The following TCERG1 variants were observed in gnomAD, a reference collection of about 807,000 sequenced individuals.
TCERG1 encodes the protein TATA box binding protein (TBP)-associated factor, RNA polymerase II, S, 150kD.
TCERG1 carries 37 observed loss-of-function variants against 144.7 expected under a neutral mutation model. The ratio of observed to expected loss-of-function variants is 0.26; its 90% confidence interval spans 0.20 to 0.34. The LOEUF is 0.34. Ranked by LOEUF, TCERG1 falls within the 10% of genes least tolerant of loss-of-function variation. The probability of loss-of-function intolerance (pLI) is 1.00; values close to 1 mark genes in which losing one functional copy is unlikely to be tolerated. For missense variants in TCERG1, 1,027 were observed against 1,380.7 expected (o/e 0.74, Z 4.06); for synonymous variants, 492 against 458.2 (o/e 1.07, Z -0.94).
intron 9 of TCERG1, among the ~76,000 whole-genome samples, chr5:146,474,097 A>G (rs1007109369): frequency 2.0e-5 from 3 of 152,192 alleles, no homozygotes; most frequent in Admixed American, 1.3e-4. Flanking sequence ...GGATCTGGGC[A>G]AAGTCAATAG....
At chr5:146,457,400 G>T in intron 3 of TCERG1, 65 bp downstream of exon 3, 1 of 1,440,668 alleles carries the variant, frequency 6.9e-7, no homozygotes, top group Non-Finnish European at 9.3e-7. Context: ...AAGAGTTCTG[G>T]CAGATTGAGG....
rs1763128579 is a variant in TCERG1, at chr5:146,459,192, A to C, written c.747A>C (p.Ala249=). Residue 249 remains alanine (A), a synonymous_variant, in exon 4 of 23, where the codon GCA becomes GCC. Coordinates refer to ENST00000679501, the MANE Select transcript of TCERG1 (RefSeq NM_001382548.1). ...AQAQVQAQVQ[A]QVQAQAVGAS... is the part of the protein sequence containing the mutation. ...CTCAGGTCCAGGCCCAGGTCCAGGC[A>C]CAAGTGCAAGCACAAGCAGTTGGAG... The C allele has an allele frequency of 1.9e-6, 3 of 1,614,160 alleles. No individual in the cohort carries two copies. The highest frequency in any genetic ancestry group is 4.5e-5 in the East Asian group (2 of 44,882).
chr5:146,462,294 C>T (rs556447861), intron 4 of TCERG1, among the ~76,000 whole-genome samples: 19 of 152,254 alleles, frequency 1.2e-4, no homozygotes, highest in Admixed American at 9.8e-4. Flanking sequence ...CATTTTATTT[C>T]ATTTGACAAA....
intron 17 of TCERG1, among the ~76,000 whole-genome samples, chr5:146,501,016 A>G (rs1053919128): frequency 2.6e-5 from 4 of 151,946 alleles, no homozygotes; most frequent in Admixed American, 6.6e-5. Context: ...AAAAAAAAAA[A>G]AAAGAAAAAA....
At chr5:146,472,728 T>TGTGTGTGTG (rs1561660643) in intron 9 of TCERG1, among the ~76,000 whole-genome samples, 2 of 150,672 alleles carry the variant, frequency 1.3e-5, no homozygotes, top group African/African-American at 2.4e-5. Context: ...TGTGTGTGTG[T>TGTGTGTGTG]TTTGAGACGG....
At chr5:146,455,887 T>C (rs949225754) in intron 2 of TCERG1, among the ~76,000 whole-genome samples, 2 of 152,230 alleles carry the variant, frequency 1.3e-5, no homozygotes, top group African/African-American at 4.8e-5. Context: ...TTCTCCAGTG[T>C]ATCCAGACTT....
chr5:146,484,176 C>T (rs747329329), intron 15 of TCERG1, among the ~76,000 whole-genome samples: 5 of 152,128 alleles, frequency 3.3e-5, no homozygotes, highest in Non-Finnish European at 7.4e-5. Context: ...ACAAAGTTCA[C>T]ATCTAAGTAG....
intron 14 of TCERG1, 127 bp downstream of exon 14, chr5:146,482,854 A>T: frequency 7.8e-7 from 1 of 1,287,662 alleles, no homozygotes; most frequent in Non-Finnish European, 1.0e-6. Flanking sequence ...TTTTAAAATT[A>T]CTGTACATTT....
chr5:146,489,426 C>G (rs1766179711), intron 15 of TCERG1, among the ~76,000 whole-genome samples: 1 of 152,060 alleles, frequency 6.6e-6, no homozygotes, highest in African/African-American at 2.4e-5. Flanking sequence ...TTATTCAGAG[C>G]TTTTTAATAT....
At chr5:146,465,605 G>GCAGT (rs1763705795) in intron 5 of TCERG1, among the ~76,000 whole-genome samples, 1 of 152,142 alleles carries the variant, frequency 6.6e-6, no homozygotes, top group African/African-American at 2.4e-5. Context: ...ACCAAATGAA[G>GCAGT]CAGTACCTGT....
intron 9 of TCERG1, chr5:146,478,286 C>T (rs1765037053): frequency 2.4e-6 from 1 of 413,256 alleles, no homozygotes; most frequent in African/African-American, 2.1e-5. Flanking sequence ...TTGGTTTTCT[C>T]AGTTAATATG....
chr5:146,472,701 T>TTGTG (rs59508893), intron 9 of TCERG1, among the ~76,000 whole-genome samples: 6,003 of 145,990 alleles, frequency 0.041, 151 homozygotes, highest in Middle Eastern at 0.08. Context: ...ACCTCTCACT[T>TTGTG]TGTGTGTGTG....
At chr5:146,498,841 T>C (rs1767172021) in intron 17 of TCERG1, among the ~76,000 whole-genome samples, 155 bp downstream of exon 17, 1 of 152,210 alleles carries the variant, frequency 6.6e-6, no homozygotes, top group Non-Finnish European at 1.5e-5. Flanking sequence ...TTTATGTATG[T>C]ATGTATTCTA....
intron 9 of TCERG1, 24 bp downstream of exon 9, chr5:146,471,600 A>ATT (rs141675712): frequency 1.4e-3 from 1,992 of 1,381,384 alleles, no homozygotes; most frequent in South Asian, 2.6e-3. Flanking sequence ...TCAAGTAGTA[A>ATT]TTTTTTTTTT....
At position 146,470,786 on chromosome 5, in the gene TCERG1, A is replaced by G. The variant is rs757125195; in HGVS notation, c.1512+38A>G. The G allele has an allele frequency of 2.1e-6, 3 of 1,461,452 alleles. No homozygotes were observed. The African/African-American group carries it at 4.3e-5, about 21-fold the overall frequency. The allele number at this position is 1,461,452 out of a possible 1,614,324, so 90.5% of individuals were successfully genotyped here. A position where few individuals can be genotyped will look rare whatever the true frequency, so the allele number is the denominator to read the frequency against. On this transcript the variant is annotated intron_variant, in intron 8 of 22. Coordinates refer to ENST00000679501, the MANE Select transcript of TCERG1 (RefSeq NM_001382548.1). ...GACCTGTTAACCTGGGAGCCACATT[A>G]ATTGTTTCCTACAGCTTACTTGTAT...
intron 15 of TCERG1, among the ~76,000 whole-genome samples, chr5:146,485,063 A>G (rs975952841): frequency 6.6e-6 from 1 of 152,166 alleles, no homozygotes; most frequent in South Asian, 2.1e-4. Flanking sequence ...AGCTCTTTTC[A>G]TGGTCTCTAA....
Position 146,459,348 on chromosome 5 carries a change from C to G in TCERG1, c.892+11C>G. ...CGCAGACAGTATCAAGTGAGTACCA[C>G]TCAGCATGTGTTTTTATATAGGGGC... On this transcript the variant is annotated intron_variant, in intron 4 of 22. Transcript: ENST00000679501. 1 of 1,610,278 alleles carries G rather than the reference C, an allele frequency of 6.2e-7. No homozygotes were observed. Among genetic ancestry groups the G allele is most frequent in the Non-Finnish European group, 8.5e-7 (1 of 1,177,426 alleles).
intron 2 of TCERG1, among the ~76,000 whole-genome samples, chr5:146,456,974 G>C (rs571322895): frequency 5.3e-5 from 8 of 152,198 alleles, no homozygotes; most frequent in Non-Finnish European, 1.0e-4. Context: ...TTATAACCCA[G>C]AGTTGACCAC....
At chr5:146,509,009 C>A (rs1340968732) in intron 21 of TCERG1, 136 bp from the exon 22 acceptor site, 2 of 493,346 alleles carry the variant, frequency 4.1e-6, no homozygotes, top group Non-Finnish European at 7.1e-6. Flanking sequence ...ACAAAATGTA[C>A]CCTGTTGCCT....
Sources: gnomAD v4.1 joint callset for allele counts (sites outside exome capture counted in the v4.1 genomes callset) on GRCh38, gnomAD v4.1.1 for gene constraint, MANE v1.5 for transcripts, NCBI Gene and HGNC (gene_info 2026-07-23, HGNC 2026-07-21) for gene names.